VPS36: variants seen among roughly 807,000 people sequenced by gnomAD.
VPS36 encodes the protein vacuolar protein sorting 36 homolog.
Under a neutral mutation model 63.5 loss-of-function variants are expected in VPS36, and 31 were observed. The ratio of observed to expected loss-of-function variants is 0.49; its 90% CI spans 0.37 to 0.66. VPS36 has a LOEUF of 0.66. Among genes scored for constraint, VPS36 ranks in the 30% least tolerant of loss-of-function variants. VPS36 has a pLI of 0.00. For synonymous variants in VPS36, 138 were observed against 157.2 expected (o/e 0.88, Z 0.91); for missense variants, 338 against 463.7 (o/e 0.73, Z 2.49).
chr13:52,417,261 CAACATTTAA>C, intron 11 of VPS36, 120 bp from the exon 12 acceptor site: 1 of 755,692 alleles, frequency 1.3e-6, no homozygotes, highest in African/African-American at 1.7e-5. Flanking sequence ...TTAAACAAAA[CAACATTTAA>C]AACATATCAA....
At chr13:52,438,391 A>G (rs974339952) in intron 3 of VPS36, among the ~76,000 whole-genome samples, 2 of 152,228 alleles carry the variant, frequency 1.3e-5, no homozygotes, top group African/African-American at 4.8e-5. Context: ...AAATCATAAC[A>G]TTATGATCAA....
At position 52,426,077 on chromosome 13, in the gene VPS36, A is replaced by G; in HGVS notation, c.640-11T>C. 6.2e-7 allele frequency: 1 copy of G among 1,605,862 alleles called. No homozygotes were observed. Among genetic ancestry groups the G allele is most frequent in the Non-Finnish European group, 8.5e-7 (1 of 1,177,992 alleles). ...TTTAAACCTGATGGTCTATAATAAA[A>G]AAGGAGAAAATGCAGAATTAGTCTC... On this transcript the variant is annotated splice_polypyrimidine_tract_variant and intron_variant, in intron 8 of 13. Coordinates refer to ENST00000378060, the MANE Select transcript of VPS36 (RefSeq NM_016075.4).
intron 9 of VPS36, among the ~76,000 whole-genome samples, chr13:52,425,492 T>C (rs1412410977): frequency 6.6e-6 from 1 of 152,260 alleles, no homozygotes; most frequent in East Asian, 1.9e-4. Flanking sequence ...GAGGATTCAT[T>C]ATACTATTCT....
At chr13:52,445,939 CAAAAAAAA>C (rs34529458) in intron 1 of VPS36, among the ~76,000 whole-genome samples, 39 of 15,364 alleles carry the variant, frequency 2.5e-3, no homozygotes, top group African/African-American at 0.011. Context: ...GACTCTATCT[CAAAAAAAA>C]AAAAAAAAAA....
chr13:52,417,241 G>A (rs1958002792), intron 11 of VPS36, 100 bp from the exon 12 acceptor site: 1 of 947,448 alleles, frequency 1.1e-6, no homozygotes, highest in Non-Finnish European at 1.7e-6. Context: ...GCCCAGATAT[G>A]AGGGCAATAT....
At chr13:52,424,663 C>A (rs1958079437) in intron 9 of VPS36, among the ~76,000 whole-genome samples, 1 of 151,974 alleles carries the variant, frequency 6.6e-6, no homozygotes, top group African/African-American at 2.4e-5. Context: ...GCAATGAATC[C>A]TGATTGAAAC....
chr13:52,447,559 C>G (rs1436510821), intron 1 of VPS36, among the ~76,000 whole-genome samples: 1 of 152,154 alleles, frequency 6.6e-6, no homozygotes, highest in Non-Finnish European at 1.5e-5. Context: ...CCTGTATAAA[C>G]AAGCGAGTCT....
Position 52,416,070 on chromosome 13 carries a change from T to G in VPS36, c.1014A>C (p.Thr338=). ...LETVSEKGSL[T]SEEFAKLVGM... is the part of the protein sequence containing the mutation. Reference sequence around the variant, plus strand: ...CCACAAGCTTAGCAAACTCTTCTGATGTTAGGGATCCCTTTTCTGAAACCT... The same window carrying G: ...CCACAAGCTTAGCAAACTCTTCTGAGGTTAGGGATCCCTTTTCTGAAACCT... The change falls in exon 13 of 14, where the codon ACA becomes ACC. Residue 338 remains threonine, a synonymous_variant. Coordinates refer to ENST00000378060, the MANE Select transcript of VPS36 (RefSeq NM_016075.4). 1 of 1,613,652 alleles carries G rather than the reference T, an allele frequency of 6.2e-7. No homozygotes were observed. The highest frequency in any genetic ancestry group is 1.7e-5 in the Admixed American group (1 of 59,952).
intron 1 of VPS36, among the ~76,000 whole-genome samples, chr13:52,446,174 GAGAAACGC>G (rs1382300004): frequency 1.3e-5 from 2 of 151,500 alleles, no homozygotes; most frequent in African/African-American, 4.8e-5. Flanking sequence ...GCTGAGGTAG[GAGAAACGC>G]TTGAACCCGG....
At chr13:52,424,903 G>A (rs1193244261) in intron 9 of VPS36, among the ~76,000 whole-genome samples, 1 of 151,894 alleles carries the variant, frequency 6.6e-6, no homozygotes, top group African/African-American at 2.4e-5. Context: ...CAGGAGAATC[G>A]CTTGAACCCG....
At chr13:52,448,584 C>A (rs1014204751) in intron 1 of VPS36, among the ~76,000 whole-genome samples, 3 of 152,206 alleles carry the variant, frequency 2.0e-5, no homozygotes, top group East Asian at 1.9e-4. Flanking sequence ...GTTTCTTAAA[C>A]CTCTGACATC....
chr13:52,423,659 T>C lies in VPS36; in HGVS notation c.775-20A>G. 6.3e-7 allele frequency: 1 copy of C among 1,597,494 alleles called. No individual in the cohort carries two copies. Among genetic ancestry groups the C allele is most frequent in the Non-Finnish European group, 8.6e-7 (1 of 1,168,316 alleles). The stretch of plus-strand genomic sequence containing the variant: ...TCGTTCCTGTTCAAATATGAAATTT[T>C]TAAAAAAGTATTATGTTACAATTAC... On this transcript the variant is annotated intron_variant, in intron 9 of 13. Coordinates refer to ENST00000378060, the MANE Select transcript of VPS36 (RefSeq NM_016075.4).
At chr13:52,448,228 C>T (rs553098330) in intron 1 of VPS36, among the ~76,000 whole-genome samples, 3 of 152,232 alleles carry the variant, frequency 2.0e-5, no homozygotes, top group South Asian at 2.1e-4. Flanking sequence ...GACTGCAGTC[C>T]CTAGGCCAAA....
intron 1 of VPS36, among the ~76,000 whole-genome samples, chr13:52,443,161 A>C (rs1958298045): frequency 6.6e-6 from 1 of 152,230 alleles, no homozygotes; most frequent in African/African-American, 2.4e-5. Context: ...ACCAAAATGA[A>C]TTCTAGAAGG....
chr13:52,416,995 T>C (rs1958000245), intron 12 of VPS36, 62 bp downstream of exon 12: 1 of 1,380,232 alleles, frequency 7.2e-7, no homozygotes. Flanking sequence ...GTTTTTTGAG[T>C]TGCTAAGCCT....
intron 6 of VPS36, chr13:52,429,198 C>A: frequency 1.1e-6 from 1 of 938,926 alleles, no homozygotes; most frequent in Non-Finnish European, 1.3e-6. Context: ...ACCAGGAGTA[C>A]CCCCTTAAGC....
Position 52,442,462 on chromosome 13 carries a change from T to C in VPS36, c.97-17A>G, listed in dbSNP as rs1958290008. On this transcript the variant is annotated splice_polypyrimidine_tract_variant and intron_variant, in intron 1 of 13. Coordinates refer to ENST00000378060, the MANE Select transcript of VPS36 (RefSeq NM_016075.4). ...AAATTTTATCTAGAAAGAAAGAGCA[T>C]CACAAAATATTAATAACATATCACT... 1 of 1,604,070 alleles carries C rather than the reference T, an allele frequency of 6.2e-7. No individual in the cohort carries two copies. The highest frequency in any genetic ancestry group is 8.5e-7 in the Non-Finnish European group (1 of 1,174,716).
At chr13:52,440,676 C>T (rs1036924985) in intron 2 of VPS36, among the ~76,000 whole-genome samples, 15 of 152,238 alleles carry the variant, frequency 9.9e-5, no homozygotes, top group Non-Finnish European at 1.3e-4. Context: ...TCCAAATTGA[C>T]CTCTTTATAT....
At chr13:52,431,300 T>C (rs1958151978) in intron 6 of VPS36, among the ~76,000 whole-genome samples, 1 of 152,180 alleles carries the variant, frequency 6.6e-6, no homozygotes, top group Non-Finnish European at 1.5e-5. Context: ...GGTAGTGTCA[T>C]CTTAAATTTG....
Sources: gnomAD v4.1 joint callset for allele counts (sites outside exome capture counted in the v4.1 genomes callset) on GRCh38, gnomAD v4.1.1 for gene constraint, MANE v1.5 for transcripts, NCBI Gene and HGNC (gene_info 2026-07-23, HGNC 2026-07-21) for gene names.